The following MYZAP variants were observed in gnomAD, a reference collection of about 807,000 sequenced individuals.
The protein encoded by MYZAP is myocardial zonula adherens protein.
Under a neutral mutation model 69.4 loss-of-function variants are expected in MYZAP, and 66 were observed. The observed-to-expected ratio is 0.95, with a 90% confidence interval of 0.78 to 1.17. MYZAP has a LOEUF of 1.17. MYZAP is among the 50% of genes most tolerant of loss of function. The pLI, the probability that MYZAP is intolerant of heterozygous loss-of-function variation, is 0.00. For missense variants in MYZAP, 611 were observed against 556.2 expected, an observed-to-expected ratio of 1.10 and a Z score of -0.99; for synonymous variants, 256 against 205.9, an observed-to-expected ratio of 1.24 and a Z score of -2.09.
At chr15:57,632,847 C>G (rs1226085051) in intron 7 of MYZAP, among the ~76,000 whole-genome samples, 2 of 152,176 alleles carry the variant, frequency 1.3e-5, no homozygotes, top group African/African-American at 4.8e-5. Flanking sequence ...CCTGGGCTTG[C>G]CCGCAGCTGT....
intron 3 of MYZAP, among the ~76,000 whole-genome samples, chr15:57,620,055 C>A (rs1227057488): frequency 6.6e-6 from 1 of 152,206 alleles, no homozygotes; most frequent in Non-Finnish European, 1.5e-5. Flanking sequence ...CAAGATTCCA[C>A]CCACTCACCA....
In MYZAP at chr15:57,592,009, A is replaced by C. The variant is rs1306339233; in HGVS notation, c.-26A>C. ...CTGCCCGGGAGGAACGCCGGCGTCC[A>C]GCCCGCTACCGACCGCCGCTGCGGG... On this transcript the variant is annotated 5_prime_UTR_variant, in exon 1 of 13. Transcript: ENST00000267853. 1 of 1,425,344 alleles carries C rather than the reference A, an allele frequency of 7.0e-7. No individual in the cohort carries two copies. The highest frequency in any genetic ancestry group is 1.4e-5 in the South Asian group (1 of 69,954). 88.3% of individuals were successfully genotyped at this position (1,425,344 alleles called of 1,614,324 possible).
chr15:57,612,737 G>T (rs953437073), intron 2 of MYZAP, among the ~76,000 whole-genome samples: 2 of 152,116 alleles, frequency 1.3e-5, no homozygotes, highest in Admixed American at 1.3e-4. Context: ...TCTTTCTAAG[G>T]CACTGGCTGC....
chr15:57,609,354 G>A (rs1310613727), intron 2 of MYZAP, among the ~76,000 whole-genome samples: 1 of 152,210 alleles, frequency 6.6e-6, no homozygotes, highest in East Asian at 1.9e-4. Flanking sequence ...CAAGGTGCTG[G>A]TGGTGCCTCC....
At chr15:57,659,954 C>G (rs2733601) in intron 10 of MYZAP, among the ~76,000 whole-genome samples, 53,354 of 151,794 alleles carry the variant, frequency 0.35, 9,607 homozygotes, top group African/African-American at 0.38. Context: ...TGCAGTGTTT[C>G]TTTTGCAAAT....
chr15:57,616,713 G>A (rs775818476), intron 2 of MYZAP, among the ~76,000 whole-genome samples: 6 of 151,560 alleles, frequency 4.0e-5, no homozygotes, highest in Non-Finnish European at 7.4e-5. Context: ...GGAAGACTGA[G>A]GCAGGAGAAT....
chr15:57,643,722 C>A (rs896651934), intron 10 of MYZAP, among the ~76,000 whole-genome samples: 4 of 149,284 alleles, frequency 2.7e-5, no homozygotes, highest in Non-Finnish European at 1.5e-5. Context: ...ACAGTAATTT[C>A]TTAAGAGGTT....
intron 10 of MYZAP, among the ~76,000 whole-genome samples, chr15:57,657,845 A>G (rs1217160100): frequency 1.3e-5 from 2 of 152,186 alleles, no homozygotes; most frequent in Non-Finnish European, 2.9e-5. Flanking sequence ...CTGAAGGGTC[A>G]TACTAATTCA....
At chr15:57,653,375 G>A (rs531874522) in intron 10 of MYZAP, among the ~76,000 whole-genome samples, 2 of 152,082 alleles carry the variant, frequency 1.3e-5, no homozygotes, top group African/African-American at 4.8e-5. Flanking sequence ...AACTGACTAG[G>A]TCAGGGATGG....
At chr15:57,623,828 T>C (rs1286391662) in intron 4 of MYZAP, among the ~76,000 whole-genome samples, 1 of 140,472 alleles carries the variant, frequency 7.1e-6, no homozygotes, top group African/African-American at 2.6e-5. Context: ...AAAAAGCAAG[T>C]AATCCCTTGA....
intron 2 of MYZAP, 25 bp downstream of exon 2, chr15:57,604,380 C>T: frequency 6.2e-7 from 1 of 1,613,466 alleles, no homozygotes; most frequent in Non-Finnish European, 8.5e-7. Flanking sequence ...AGGCAAAGCC[C>T]CAACAAGTTC....
chr15:57,599,529 G>T, intron 1 of MYZAP: 1 of 1,248,598 alleles, frequency 8.0e-7, no homozygotes, highest in Non-Finnish European at 1.0e-6. Context: ...GTTCAGGGTA[G>T]GATGCAGTTC....
rs2039614971 is a variant in MYZAP at position 57,684,768 on chromosome 15, A to T, written c.*270A>T. On this transcript the variant is annotated 3_prime_UTR_variant, in exon 13 of 13. Transcript: ENST00000267853. ...ATTTGTTTTCTTTGTAGACACTGAA[A>T]TCCTATCAGGAGGATTCCTTCACAA... 3.5e-6 allele frequency: 1 copy of T among 283,612 alleles called. No individual in the cohort carries two copies. Among genetic ancestry groups the T allele is most frequent in the Admixed American group, 4.9e-5 (1 of 20,296 alleles). The allele number at this position is 283,612 out of a possible 1,614,324, so 17.6% of individuals were successfully genotyped here. A position where few individuals can be genotyped will look rare whatever the true frequency, so the allele number is the denominator to read the frequency against.
chr15:57,674,948 C>T lies in MYZAP; in HGVS notation c.1204-20C>T, dbSNP rs748501959. On this transcript the variant is annotated intron_variant, in intron 11 of 12. Coordinates refer to ENST00000267853, the MANE Select transcript of MYZAP (RefSeq NM_001018100.5). The stretch of plus-strand genomic sequence containing the variant: ...GAACATATTTGACTTACTGAAAGTA[C>T]CTTTTTTTCTCATCTCCAGAATAAT... 5 of 1,600,038 alleles carry T rather than the reference C, an allele frequency of 3.1e-6. No individual in the cohort carries two copies. Among genetic ancestry groups the T allele is most frequent in the Non-Finnish European group, 4.3e-6 (5 of 1,172,894 alleles).
chr15:57,648,464 A>G, intron 10 of MYZAP: 1 of 984,302 alleles, frequency 1.0e-6, no homozygotes, highest in Non-Finnish European at 1.2e-6. Context: ...TGCTTCTCTC[A>G]TTCCAAGGCT....
intron 12 of MYZAP, 56 bp from the exon 13 acceptor site, chr15:57,684,346 A>G (rs927068834): frequency 6.3e-6 from 7 of 1,111,158 alleles, no homozygotes; most frequent in African/African-American, 4.6e-5. Flanking sequence ...CATGTGAAGC[A>G]TATGGGGGGT....
chr15:57,621,769 A>C (rs949304435), intron 4 of MYZAP, 69 bp downstream of exon 4: 16 of 1,454,398 alleles, frequency 1.1e-5, no homozygotes, highest in Non-Finnish European at 1.5e-5. Flanking sequence ...CTCAGTGGCT[A>C]GTGCCTAAAG....
At chr15:57,625,488 A>C (rs2036076192) in intron 4 of MYZAP, among the ~76,000 whole-genome samples, 1 of 152,178 alleles carries the variant, frequency 6.6e-6, no homozygotes, top group Non-Finnish European at 1.5e-5. Context: ...ACAGTGAGCA[A>C]ATCACATAAC....
intron 1 of MYZAP, among the ~76,000 whole-genome samples, chr15:57,602,725 A>G (rs1286401686): frequency 2.6e-5 from 4 of 152,162 alleles, no homozygotes; most frequent in Non-Finnish European, 5.9e-5. Context: ...CCTGGGTTCA[A>G]ATCTCAGCTC....
Sources: gnomAD v4.1 joint callset for allele counts (sites outside exome capture counted in the v4.1 genomes callset) on GRCh38, gnomAD v4.1.1 for gene constraint, MANE v1.5 for transcripts, NCBI Gene and HGNC (gene_info 2026-07-23, HGNC 2026-07-21) for gene names.